Variants in CCT6B observed in about 807,000 individuals in gnomAD.
CCT6B encodes the protein probable T-complex protein 1 subunit zeta-2.
A neutral mutation model predicts 61.5 loss-of-function variants in CCT6B; 49 were observed. The observed-to-expected ratio is 0.80, with a 90% CI of 0.63 to 1.01. The LOEUF (loss-of-function observed/expected upper bound fraction) is 1.01, where lower values mean the gene tolerates loss of function less well. Among genes scored for constraint, CCT6B ranks in the 50% least tolerant of loss-of-function variants. The probability of loss-of-function intolerance (pLI) is 0.00; values close to 1 mark genes in which losing one functional copy is unlikely to be tolerated. For missense variants in CCT6B, 666 were observed against 634.7 expected (o/e 1.05, Z -0.53); for synonymous variants, 228 against 214.5 (o/e 1.06, Z -0.55).
intron 3 of CCT6B, among the ~76,000 whole-genome samples, chr17:34,956,143 A>T (rs2090345085): frequency 6.6e-6 from 1 of 152,212 alleles, no homozygotes; most frequent in Admixed American, 6.5e-5. Flanking sequence ...TGGTTAGCAT[A>T]CTACATGCCC....
intron 5 of CCT6B, among the ~76,000 whole-genome samples, chr17:34,946,136 A>T (rs1374449378): frequency 6.6e-6 from 1 of 152,246 alleles, no homozygotes; most frequent in African/African-American, 2.4e-5. Context: ...ATCGGAATTC[A>T]TATCAAATGG....
At position 34,928,088 on chromosome 17, in the gene CCT6B, AC is replaced by A; in HGVS notation, c.1552del (p.Val518LeufsTer16). ...CATCCCAGCTCGCATAATTTCATCA[AC>A]CAGGAGAATGTTGGTGGCAATCACT... ...CTVIATNILL[V>X]DEIMRAGMSS... On this transcript the variant is annotated frameshift_variant, in exon 14 of 14. Coordinates refer to ENST00000314144, the MANE Select transcript of CCT6B (RefSeq NM_006584.4). LOFTEE classifies it high-confidence loss of function. 6.2e-7 allele frequency: 1 copy of A among 1,612,428 alleles called. No homozygotes were observed. The highest frequency in any genetic ancestry group is 1.1e-5 in the South Asian group (1 of 90,818).
chr17:34,958,067 T>G (rs973207031), intron 3 of CCT6B, among the ~76,000 whole-genome samples: 3 of 152,226 alleles, frequency 2.0e-5, no homozygotes, highest in African/African-American at 7.2e-5. Context: ...AAGAGGTATA[T>G]AATTCCAACG....
At chr17:34,938,810 T>C (rs1193166299) in intron 10 of CCT6B, among the ~76,000 whole-genome samples, 2 of 152,020 alleles carry the variant, frequency 1.3e-5, no homozygotes, top group African/African-American at 4.8e-5. Flanking sequence ...AGGCCAGGCA[T>C]GGTGGCTCAC....
rs199752500 is a variant in CCT6B, at chr17:34,942,872, G to A, written c.649C>T (p.Arg217Cys). 163 of 1,609,322 alleles carry A rather than the reference G, an allele frequency of 1.0e-4. 1 individual carries two copies. The highest frequency in any genetic ancestry group is 8.0e-4 in the South Asian group (72 of 90,270). Residue 217 changes from arginine (R) to cysteine (C), a missense_variant, in exon 6 of 14, where the codon CGT becomes TGT. Transcript: ENST00000314144. ...ACTCGCTTCTTCATATCTGGATGAC[G>A]GGCACCATGATCCAAAACTAATCCT... ...IQGLVLDHGA[R>C]HPDMKKRVED... is the part of the protein sequence containing the mutation.
In CCT6B at chr17:34,936,719, T is replaced by A. The variant is rs191006775; in HGVS notation, c.1213+2464A>T. Among the ~76,000 whole-genome samples, 18 of 152,236 alleles carry A rather than the reference T, an allele frequency of 1.2e-4. No individual in the cohort carries two copies. The East Asian group carries it at 3.1e-3, about 26-fold the overall frequency. On this transcript the variant is annotated intron_variant, in intron 10 of 13. Coordinates refer to ENST00000314144, the MANE Select transcript of CCT6B (RefSeq NM_006584.4). ...ATAGAGATAAATATGGAAAAAAGTATGTGAGGCTCATATACTAAGATCTAT... is the reference window on the plus strand; with the variant it reads ...ATAGAGATAAATATGGAAAAAAGTAAGTGAGGCTCATATACTAAGATCTAT...
intron 5 of CCT6B, chr17:34,943,568 T>G (rs1374656270): frequency 1.3e-5 from 2 of 152,078 alleles, no homozygotes; most frequent in Non-Finnish European, 2.9e-5. Context: ...ACTGTTCTTT[T>G]TAACAACAGA....
chr17:34,960,182 A>C (rs2090396215), intron 1 of CCT6B, among the ~76,000 whole-genome samples: 1 of 152,206 alleles, frequency 6.6e-6, no homozygotes, highest in Non-Finnish European at 1.5e-5. Context: ...CTAAAAGGCA[A>C]CGTGATTCAG....
At position 34,939,168 on chromosome 17, in the gene CCT6B, C is replaced by T; in HGVS notation, c.1213+15G>A. 6.2e-7 allele frequency: 1 copy of T among 1,610,362 alleles called. No individual in the cohort carries two copies. The highest frequency in any genetic ancestry group is 1.1e-5 in the South Asian group (1 of 90,914). On this transcript the variant is annotated intron_variant, in intron 10 of 13. Transcript: ENST00000314144. The stretch of plus-strand genomic sequence containing the variant: ...ATATACATGAGGTTCATATCAATCA[C>T]AAGAAAGAGCTTACCATCTTCAATG...
At position 34,931,052 on chromosome 17, in the gene CCT6B, C is replaced by A. The variant is rs777121956; in HGVS notation, c.1348-1G>T. 2 of 1,387,718 alleles carry A rather than the reference C, an allele frequency of 1.4e-6. No individual in the cohort carries two copies. Among genetic ancestry groups the A allele is most frequent in the Non-Finnish European group, 9.9e-7 (1 of 1,007,688 alleles). 86.0% of individuals were successfully genotyped at this position (1,387,718 alleles called of 1,614,324 possible). Reference sequence around the variant, plus strand: ...CATAACCAGCATTCTGAGCAAGAACCTTTAGGAATAAAAATAATAATATAT... The same window carrying A: ...CATAACCAGCATTCTGAGCAAGAACATTTAGGAATAAAAATAATAATATAT... On this transcript the variant is annotated splice_acceptor_variant, in intron 11 of 13. Coordinates refer to ENST00000314144, the MANE Select transcript of CCT6B (RefSeq NM_006584.4). LOFTEE classifies it high-confidence loss of function.
rs541762373 is a variant in CCT6B at position 34,950,378 on chromosome 17, A to G, written c.614+1572T>C. ...ATAAAGAGAAAGACACTGTGAAATGAAAACAAACCTCTGGGAAAAAATTAT... is the reference window on the plus strand; with the variant it reads ...ATAAAGAGAAAGACACTGTGAAATGGAAACAAACCTCTGGGAAAAAATTAT... On this transcript the variant is annotated intron_variant, in intron 5 of 13. Coordinates refer to ENST00000314144, the MANE Select transcript of CCT6B (RefSeq NM_006584.4). Among the ~76,000 whole-genome samples the G allele has an allele frequency of 8.5e-5, 13 of 152,346 alleles. No individual in the cohort carries two copies. In the East Asian group the frequency reaches 2.5e-3, roughly 29 times the overall value.
At chr17:34,947,412 AATAAAGGACTCATGGCT>A (rs1317327680) in intron 5 of CCT6B, among the ~76,000 whole-genome samples, 2 of 152,178 alleles carry the variant, frequency 1.3e-5, no homozygotes, top group Non-Finnish European at 2.9e-5. Flanking sequence ...CACCTAGGTA[AATAAAGGACTCATGGCT>A]ATAAAGGACT....
chr17:34,929,462 T>C (rs1424237634), intron 12 of CCT6B, among the ~76,000 whole-genome samples: 1 of 151,538 alleles, frequency 6.6e-6, no homozygotes, highest in East Asian at 1.9e-4. Flanking sequence ...CTCAAGGTTT[T>C]TTGGGTGTTT....
At chr17:34,959,727 A>G in intron 1 of CCT6B, 77 bp from the exon 2 acceptor site, 3 of 1,009,832 alleles carry the variant, frequency 3.0e-6, no homozygotes, top group Non-Finnish European at 4.7e-6. Flanking sequence ...TATCCTTAAT[A>G]GAGGGAACTG....
Position 34,940,546 on chromosome 17 carries a change from T to C in CCT6B, c.961A>G (p.Met321Val). 1.3e-6 allele frequency: 2 copies of C among 1,553,972 alleles called. No individual in the cohort carries two copies. The highest frequency in any genetic ancestry group is 1.8e-6 in the Non-Finnish European group (2 of 1,139,734). Reference protein sequence around the residue: ...VALRRAKRRNMERLSLACGGM... With the variant: ...VALRRAKRRNVERLSLACGGM... ...AATTATCTGCAAGCTTACCTTTCCA[T>C]ATTTCTTCTTTTTGCTCTGCGAAGA... Residue 321 changes from methionine (M) to valine (V), a missense_variant, in exon 8 of 14, where the codon ATG becomes GTG. Met to Val is a conservative substitution (Grantham distance 21, BLOSUM62 1). Transcript: ENST00000314144.
At chr17:34,936,042 C>A (rs1166938803) in intron 10 of CCT6B, among the ~76,000 whole-genome samples, 1 of 151,992 alleles carries the variant, frequency 6.6e-6, no homozygotes, top group Non-Finnish European at 1.5e-5. Context: ...CCTCCACCTC[C>A]CAGGTTCAAG....
At chr17:34,958,770 G>A in intron 2 of CCT6B, 76 bp from the exon 3 acceptor site, 4 of 1,067,058 alleles carry the variant, frequency 3.7e-6, no homozygotes, top group Non-Finnish European at 5.2e-6. Flanking sequence ...AGATAACCTA[G>A]GGGTCAGTAG....
chr17:34,957,684 T>TCCCAATA (rs2090364187), intron 3 of CCT6B, among the ~76,000 whole-genome samples: 1 of 152,124 alleles, frequency 6.6e-6, no homozygotes, highest in Non-Finnish European at 1.5e-5. Context: ...AATAGAAAAT[T>TCCCAATA]CCCAATACTA....
At chr17:34,933,224 T>C (rs1174623118) in intron 10 of CCT6B, among the ~76,000 whole-genome samples, 1 of 152,210 alleles carries the variant, frequency 6.6e-6, no homozygotes, top group Non-Finnish European at 1.5e-5. Flanking sequence ...ATTTGTTTTT[T>C]GTACTGCAGC....
Sources: gnomAD v4.1 joint callset for allele counts (sites outside exome capture counted in the v4.1 genomes callset) on GRCh38, gnomAD v4.1.1 for gene constraint, MANE v1.5 for transcripts, NCBI Gene and HGNC (gene_info 2026-07-23, HGNC 2026-07-21) for gene names.